The following WDR49 variants were observed in gnomAD, a reference collection of about 807,000 sequenced individuals.
WDR49 encodes the protein cilia- and flagella-associated protein 337.
WDR49 carries 107 observed loss-of-function variants against 119.5 expected under a neutral mutation model. The ratio of observed to expected loss-of-function variants is 0.90; its 90% CI spans 0.77 to 1.05. The LOEUF (loss-of-function observed/expected upper bound fraction) is 1.05, where lower values mean the gene tolerates loss of function less well. Among genes scored for constraint, WDR49 ranks in the 50% least tolerant of loss-of-function variants. The pLI is 0.00. For missense variants in WDR49, 1,240 were observed against 1,220.5 expected (o/e 1.02, Z -0.24); for synonymous variants, 425 against 418.8 (o/e 1.01, Z -0.18).
At chr3:167,595,990 C>T (rs1458843033) in intron 7 of WDR49, among the ~76,000 whole-genome samples, 2 of 141,762 alleles carry the variant, frequency 1.4e-5, no homozygotes, top group African/African-American at 2.6e-5. Context: ...GGCTAATATC[C>T]AGAATCTACA....
intron 7 of WDR49, among the ~76,000 whole-genome samples, chr3:167,601,377 T>C (rs971118978): frequency 1.3e-5 from 2 of 152,190 alleles, no homozygotes; most frequent in Non-Finnish European, 2.9e-5. Context: ...AAAATTTATA[T>C]TCACTCAAAG....
rs538820927 is a variant in WDR49 at position 167,545,335 on chromosome 3, C to A, written c.1824-8335G>T. 2.6e-5 allele frequency among the ~76,000 whole-genome samples: 4 copies of A among 151,326 alleles called. No individual in the cohort carries two copies. In the South Asian group the frequency reaches 8.3e-4, roughly 32 times the overall value. ...AGATATACCATTTGATCCAGCAATC[C>A]CACTATGGGGTATCTCCCCAGACAA... On this transcript the variant is annotated intron_variant, in intron 10 of 18. Transcript: ENST00000682715.
At chr3:167,578,134 T>A (rs1714344137) in intron 7 of WDR49, among the ~76,000 whole-genome samples, 1 of 152,150 alleles carries the variant, frequency 6.6e-6, no homozygotes, top group African/African-American at 2.4e-5. Context: ...ATGATCCCAA[T>A]TCTTTCAACC....
At chr3:167,584,256 A>AG (rs372562108) in intron 7 of WDR49, among the ~76,000 whole-genome samples, 1 of 152,150 alleles carries the variant, frequency 6.6e-6, no homozygotes, top group Non-Finnish European at 1.5e-5. Context: ...GAGAAAAAAA[A>AG]TCTGAACTTA....
chr3:167,557,299 A>C (rs6776030), intron 9 of WDR49, among the ~76,000 whole-genome samples: 40,643 of 152,084 alleles, frequency 0.27, 5,684 homozygotes, highest in South Asian at 0.31. Context: ...TTTGGCTTAA[A>C]AATTCAGCTT....
chr3:167,589,564 C>T (rs144240081), intron 7 of WDR49, among the ~76,000 whole-genome samples: 3 of 152,118 alleles, frequency 2.0e-5, no homozygotes, highest in African/African-American at 7.2e-5. Context: ...TCTTCCAGAC[C>T]ATGAACATGG....
intron 7 of WDR49, among the ~76,000 whole-genome samples, chr3:167,579,670 T>C (rs181275949): frequency 6.6e-6 from 1 of 152,136 alleles, no homozygotes; most frequent in Non-Finnish European, 1.5e-5. Flanking sequence ...AAAAAAATTT[T>C]AAAAAAATTG....
At chr3:167,593,082 T>C (rs970625333) in intron 7 of WDR49, among the ~76,000 whole-genome samples, 1 of 152,158 alleles carries the variant, frequency 6.6e-6, no homozygotes, top group African/African-American at 2.4e-5. Flanking sequence ...CAAGTTAGTA[T>C]TCTTTGGGTG....
chr3:167,614,446 A>T (rs954802669), intron 5 of WDR49, among the ~76,000 whole-genome samples: 1 of 152,280 alleles, frequency 6.6e-6, no homozygotes, highest in Admixed American at 6.5e-5. Context: ...GTTTCTAGTG[A>T]TACTGTCTAT....
intron 10 of WDR49, 119 bp downstream of exon 10, chr3:167,554,531 C>T (rs1051644033): frequency 1.5e-5 from 8 of 548,782 alleles, no homozygotes; most frequent in Admixed American, 1.4e-4. Context: ...CAGTCAATTC[C>T]AACTAGGGTA....
chr3:167,629,643 T>C (rs562410600), intron 2 of WDR49, among the ~76,000 whole-genome samples: 18 of 152,206 alleles, frequency 1.2e-4, no homozygotes, highest in Non-Finnish European at 2.4e-4. Context: ...TTGGAAAGGA[T>C]TCATTAGAAT....
chr3:167,500,199 T>G lies in WDR49; in HGVS notation c.2985A>C (p.Pro995=). The change falls in exon 18 of 19, where the codon CCA becomes CCC. Residue 995 remains proline (P), a synonymous_variant. Transcript: ENST00000682715. ...CCAGAATTTGGGGACGCTCTTCCTCTGGTTCTTTCCTAAAGTATTTCTCAG... is the reference window on the plus strand; with the variant it reads ...CCAGAATTTGGGGACGCTCTTCCTCGGGTTCTTTCCTAAAGTATTTCTCAG... ...LDPEKYFRKE[P]EEERPQILEA... is the part of the protein sequence containing the mutation. The G allele has an allele frequency of 6.3e-7, 1 of 1,588,916 alleles. No individual in the cohort carries two copies. The highest frequency in any genetic ancestry group is 8.5e-7 in the Non-Finnish European group (1 of 1,172,996).
rs1717149470 is a variant in WDR49 at position 167,626,839 on chromosome 3, A to G, written c.606+13T>C. Reference sequence around the variant, plus strand: ...TTTTACAAGCAGTACATTTTTTTATAAAGAGTCTGTACCTTGTTTACATTT... The same window carrying G: ...TTTTACAAGCAGTACATTTTTTTATGAAGAGTCTGTACCTTGTTTACATTT... On this transcript the variant is annotated intron_variant, in intron 3 of 18. Transcript: ENST00000682715. 1.6e-6 allele frequency: 2 copies of G among 1,234,674 alleles called. No homozygotes were observed. Among genetic ancestry groups the G allele is most frequent in the Admixed American group, 4.2e-5 (1 of 23,736 alleles). 76.5% of individuals were successfully genotyped at this position (1,234,674 alleles called of 1,614,324 possible).
At chr3:167,622,675 C>T (rs186045314) in intron 3 of WDR49, among the ~76,000 whole-genome samples, 34 of 152,026 alleles carry the variant, frequency 2.2e-4, no homozygotes, top group East Asian at 1.4e-3. Context: ...AGCTGAAGAT[C>T]GGTAAGAAAA....
intron 9 of WDR49, among the ~76,000 whole-genome samples, chr3:167,556,798 G>A (rs1362825643): frequency 2.6e-5 from 4 of 151,948 alleles, no homozygotes; most frequent in Non-Finnish European, 5.9e-5. Context: ...AGGCTGAGGC[G>A]GGCGGATCAC....
intron 7 of WDR49, among the ~76,000 whole-genome samples, chr3:167,600,280 T>C (rs1715699124): frequency 6.6e-6 from 1 of 151,882 alleles, no homozygotes; most frequent in Admixed American, 6.6e-5. Context: ...CCCCCACACT[T>C]CCCCCAAGTC....
intron 7 of WDR49, among the ~76,000 whole-genome samples, chr3:167,581,026 T>C (rs188078235): frequency 1.2e-4 from 19 of 152,288 alleles, no homozygotes; most frequent in African/African-American, 4.8e-5. Context: ...TTGTGATATC[T>C]GTCTAAACTC....
intron 2 of WDR49, among the ~76,000 whole-genome samples, chr3:167,646,448 T>G (rs568412457): frequency 2.6e-5 from 4 of 152,124 alleles, no homozygotes; most frequent in Non-Finnish European, 5.9e-5. Context: ...GCCACAAATA[T>G]ATGTCCAGAA....
At chr3:167,493,135 T>G (rs1751218455) in intron 18 of WDR49, among the ~76,000 whole-genome samples, 1 of 152,152 alleles carries the variant, frequency 6.6e-6, no homozygotes, top group South Asian at 2.1e-4. Context: ...TGTGCTCCTC[T>G]CCCAAGAATC....
Sources: allele counts gnomAD v4.1 joint callset (sites outside exome capture counted in the v4.1 genomes callset), GRCh38; gene constraint gnomAD v4.1.1; transcripts MANE v1.5; gene names NCBI Gene and HGNC (gene_info 2026-07-23, HGNC 2026-07-21).